TMEM200A: variants seen among roughly 807,000 people sequenced by gnomAD.
The protein encoded by TMEM200A is transmembrane protein 200A.
TMEM200A carries 12 observed loss-of-function variants against 24.3 expected under a neutral mutation model. That is an observed-to-expected ratio of 0.49 (90% CI 0.32 to 0.80). TMEM200A has a LOEUF of 0.80. TMEM200A is among the 30% of genes least tolerant of loss of function. The pLI is 0.04. For missense variants in TMEM200A, 545 were observed against 614.4 expected (o/e 0.89, Z 1.19); for synonymous variants, 224 against 224.4 (o/e 1.00, Z 0.02).
chr6:130,404,578 G>A (rs1779162414), intron 2 of TMEM200A, among the ~76,000 whole-genome samples: 1 of 152,076 alleles, frequency 6.6e-6, no homozygotes, highest in Non-Finnish European at 1.5e-5. Context: ...TAAGACCTTT[G>A]TCAGATGCAT....
Position 130,441,678 on chromosome 6 carries a change from G to A in TMEM200A, c.1256G>A (p.Trp419Ter). The change falls in exon 3 of 3, where the codon TGG becomes TAG. Residue 419 changes from tryptophan to a stop codon, truncating the protein, a stop_gained. Coordinates refer to ENST00000296978, the MANE Select transcript of TMEM200A (RefSeq NM_001258277.2). LOFTEE classifies it high-confidence loss of function. ...GCAGAACAACGGAAACATCCAAGTTGGCCTAGGTTGGATCGGAACAACAGC... is the reference window on the plus strand; with the variant it reads ...GCAGAACAACGGAAACATCCAAGTTAGCCTAGGTTGGATCGGAACAACAGC... ...VQAEQRKHPS[W>*]PRLDRNNSKG... 6.2e-7 allele frequency: 1 copy of A among 1,614,072 alleles called. No homozygotes were observed. Among genetic ancestry groups the A allele is most frequent in the Non-Finnish European group, 8.5e-7 (1 of 1,180,012 alleles).
intron 2 of TMEM200A, among the ~76,000 whole-genome samples, chr6:130,430,564 C>T (rs900067804): frequency 2.0e-5 from 3 of 152,148 alleles, no homozygotes; most frequent in Non-Finnish European, 4.4e-5. Context: ...GCAGCCTTCT[C>T]CACCATCTTC....
At chr6:130,401,515 T>C (rs1489019552) in intron 2 of TMEM200A, among the ~76,000 whole-genome samples, 2 of 151,718 alleles carry the variant, frequency 1.3e-5, no homozygotes, top group East Asian at 3.9e-4. Context: ...TTCTTTTTTC[T>C]TTACTTTTTT....
intron 2 of TMEM200A, among the ~76,000 whole-genome samples, chr6:130,436,900 C>A (rs1780035847): frequency 6.6e-6 from 1 of 151,984 alleles, no homozygotes; most frequent in South Asian, 2.1e-4. Flanking sequence ...GACACTAAAG[C>A]CTTGGCCTCC....
At chr6:130,368,963 A>T (rs1195616793) in intron 1 of TMEM200A, among the ~76,000 whole-genome samples, 1 of 152,184 alleles carries the variant, frequency 6.6e-6, no homozygotes, top group Non-Finnish European at 1.5e-5. Context: ...GCTGCAAGGC[A>T]AATTCTGGCA....
intron 2 of TMEM200A, among the ~76,000 whole-genome samples, chr6:130,397,334 C>A (rs1470023500): frequency 9.2e-5 from 14 of 152,110 alleles, no homozygotes; most frequent in Admixed American, 9.2e-4. Context: ...GTGATTGTAC[C>A]AATTTGTATC....
At chr6:130,389,732 T>G (rs1347979213) in intron 2 of TMEM200A, among the ~76,000 whole-genome samples, 1 of 152,160 alleles carries the variant, frequency 6.6e-6, no homozygotes. Flanking sequence ...ACACCAGCAG[T>G]GGGTTCAGAG....
At chr6:130,435,391 G>C (rs894888947) in intron 2 of TMEM200A, among the ~76,000 whole-genome samples, 6 of 152,148 alleles carry the variant, frequency 3.9e-5, no homozygotes, top group African/African-American at 1.4e-4. Context: ...TTTATAACCA[G>C]TTAAATGATG....
At chr6:130,439,926 CTT>C (rs1392079237) in intron 2 of TMEM200A, among the ~76,000 whole-genome samples, 2 of 152,080 alleles carry the variant, frequency 1.3e-5, no homozygotes, top group Admixed American at 1.3e-4. Flanking sequence ...AATGTATCCT[CTT>C]TGTCAGTCTG....
At chr6:130,384,125 GAA>G (rs1280248499) in intron 1 of TMEM200A, among the ~76,000 whole-genome samples, 7 of 152,002 alleles carry the variant, frequency 4.6e-5, no homozygotes, top group Non-Finnish European at 1.5e-5. Flanking sequence ...GTCTAAAAAA[GAA>G]AAGAGAGAAA....
At chr6:130,427,653 CT>C (rs1317276847) in intron 2 of TMEM200A, among the ~76,000 whole-genome samples, 1 of 151,762 alleles carries the variant, frequency 6.6e-6, no homozygotes, top group Non-Finnish European at 1.5e-5. Context: ...CCCATTTGTC[CT>C]CTCATTGACA....
At chr6:130,383,406 T>C (rs746514061) in intron 1 of TMEM200A, among the ~76,000 whole-genome samples, 3 of 152,224 alleles carry the variant, frequency 2.0e-5, no homozygotes, top group African/African-American at 4.8e-5. Flanking sequence ...CTTGGCCTTA[T>C]TCACTTTGAT....
rs79322380 is a variant in TMEM200A at position 130,377,804 on chromosome 6, C to T, written c.-80-7369C>T. ...AGCCTTATATTCCAGCTGGGGAAGA[C>T]AGACAATACATGTATAATTTGTTGT... On this transcript the variant is annotated intron_variant, in intron 1 of 2. Coordinates refer to ENST00000296978, the MANE Select transcript of TMEM200A (RefSeq NM_001258277.2). 4.1e-3 allele frequency among the ~76,000 whole-genome samples: 630 copies of T among 152,166 alleles called. 7 individuals are homozygous for T. The highest frequency in any genetic ancestry group is 0.014 in the African/African-American group (586 of 41,484).
rs972028406 is a variant in TMEM200A at position 130,366,579 on chromosome 6, G to A, written c.-81+55G>A. 2 of 985,696 alleles carry A rather than the reference G, an allele frequency of 2.0e-6. No individual in the cohort carries two copies. The highest frequency in any genetic ancestry group is 2.4e-6 in the Non-Finnish European group (2 of 830,112). The allele number at this position is 985,696 out of a possible 1,614,324, so 61.1% of individuals were successfully genotyped here. ...GTGGGGAGGTGGGTGGGCGGCCACC[G>A]CAGCCGAAACCGGGCACTTCTTCAG... On this transcript the variant is annotated intron_variant, in intron 1 of 2. Coordinates refer to ENST00000296978, the MANE Select transcript of TMEM200A (RefSeq NM_001258277.2). This position sits in a 1 kb window ranked among gnomAD's most constrained non-coding sequence, Gnocchi z 4.4.
chr6:130,435,895 G>A (rs1779993768), intron 2 of TMEM200A, among the ~76,000 whole-genome samples: 1 of 152,208 alleles, frequency 6.6e-6, no homozygotes, highest in Non-Finnish European at 1.5e-5. Flanking sequence ...ACACTGAAGG[G>A]ATATGGACAG....
chr6:130,404,899 C>A lies in TMEM200A; in HGVS notation c.-17+19663C>A, dbSNP rs183039060. ...GCATATGACTAGCCGGTTACCCCAG[C>A]ACCATTTATTGAATAGGGAATCCTT... is the stretch of plus-strand genomic sequence containing the variant. On this transcript the variant is annotated intron_variant, in intron 2 of 2. Coordinates refer to ENST00000296978, the MANE Select transcript of TMEM200A (RefSeq NM_001258277.2). Among the ~76,000 whole-genome samples the A allele has an allele frequency of 4.9e-3, 752 of 152,238 alleles. 4 individuals are homozygous for A. Among genetic ancestry groups the A allele is most frequent in the Non-Finnish European group, 8.4e-3 (573 of 68,010 alleles).
At chr6:130,369,316 G>A (rs900973521) in intron 1 of TMEM200A, among the ~76,000 whole-genome samples, 3 of 152,162 alleles carry the variant, frequency 2.0e-5, no homozygotes, top group African/African-American at 7.2e-5. Flanking sequence ...GCACCAGTAT[G>A]CGCCACTGCC....
At chr6:130,372,737 G>T (rs544898619) in intron 1 of TMEM200A, among the ~76,000 whole-genome samples, 5 of 152,276 alleles carry the variant, frequency 3.3e-5, no homozygotes, top group African/African-American at 1.2e-4. Context: ...ATCTGCTTAG[G>T]TGTGTGACTG....
At chr6:130,407,166 G>T (rs951445183) in intron 2 of TMEM200A, among the ~76,000 whole-genome samples, 2 of 152,066 alleles carry the variant, frequency 1.3e-5, no homozygotes, top group African/African-American at 4.8e-5. Context: ...TGTGAATGAG[G>T]GGGTGAGGGG....
Sources: allele counts gnomAD v4.1 joint callset (sites outside exome capture counted in the v4.1 genomes callset), GRCh38; gene constraint gnomAD v4.1.1; non-coding constraint Gnocchi (gnomAD v3.1); transcripts MANE v1.5; gene names NCBI Gene and HGNC (gene_info 2026-07-23, HGNC 2026-07-21).